The following NEK10 variants were observed in gnomAD, a reference collection of about 807,000 sequenced individuals.
The protein encoded by NEK10 is NIMA related kinase 10.
Under a neutral mutation model 159.8 loss-of-function variants are expected in NEK10, and 122 were observed. The observed-to-expected ratio is 0.76, with a 90% CI of 0.66 to 0.89. The LOEUF is 0.89. Ranked by LOEUF, NEK10 falls within the 40% of genes least tolerant of loss-of-function variation. NEK10 has a pLI of 0.00. For missense variants in NEK10, 1,342 were observed against 1,323.1 expected, an observed-to-expected ratio of 1.01 and a Z score of -0.22; for synonymous variants, 466 against 457.1, an observed-to-expected ratio of 1.02 and a Z score of -0.25.
chr3:27,301,493 G>A (rs1176931553), intron 13 of NEK10, among the ~76,000 whole-genome samples: 1 of 152,198 alleles, frequency 6.6e-6, no homozygotes, highest in African/African-American at 2.4e-5. Context: ...TCAGAACACA[G>A]AAGACAAAGA....
intron 30 of NEK10, among the ~76,000 whole-genome samples, chr3:27,153,353 T>C (rs1851366): frequency 0.37 from 54,998 of 150,148 alleles, 12,279 homozygotes; most frequent in East Asian, 0.76. Flanking sequence ...AGACAGACAG[T>C]AGCGGGGACT....
chr3:27,143,699 A>T (rs1944009824), intron 30 of NEK10, among the ~76,000 whole-genome samples: 1 of 152,222 alleles, frequency 6.6e-6, no homozygotes. Flanking sequence ...GCAAGCAAAC[A>T]AACAAAAATG....
intron 1 of NEK10, among the ~76,000 whole-genome samples, chr3:27,357,540 T>A (rs555022219): frequency 6.6e-6 from 1 of 152,312 alleles, no homozygotes; most frequent in Admixed American, 6.5e-5. Context: ...CAATCTTTTA[T>A]GGACTGATAC....
intron 23 of NEK10, among the ~76,000 whole-genome samples, chr3:27,221,775 C>A (rs912964513): frequency 4.6e-5 from 7 of 152,184 alleles, no homozygotes; most frequent in African/African-American, 1.2e-4. Context: ...CCTCCACCCC[C>A]ACTAGCCCTG....
chr3:27,151,717 C>T (rs1480615419), intron 30 of NEK10, among the ~76,000 whole-genome samples: 8 of 152,010 alleles, frequency 5.3e-5, no homozygotes, highest in Non-Finnish European at 1.0e-4. Flanking sequence ...CAGGGAGGAA[C>T]CAGAGAAAGG....
intron 13 of NEK10, among the ~76,000 whole-genome samples, chr3:27,299,386 C>T (rs1289415349): frequency 1.3e-5 from 2 of 152,174 alleles, no homozygotes; most frequent in South Asian, 2.1e-4. Flanking sequence ...GAACCTCTGC[C>T]TAGATTTCAG....
chr3:27,215,022 G>C (rs1575289159), intron 23 of NEK10: 11 of 606,862 alleles, frequency 1.8e-5, no homozygotes, highest in East Asian at 2.8e-5. Context: ...ACTCCGACCT[G>C]TTCCCCACCG....
intron 23 of NEK10, among the ~76,000 whole-genome samples, chr3:27,231,516 A>C (rs2149210790): frequency 6.6e-6 from 1 of 152,054 alleles, no homozygotes; most frequent in Admixed American, 6.6e-5. Context: ...AACTAAATGA[A>C]AGTGAAACAA....
chr3:27,267,310 G>T (rs550457099), intron 22 of NEK10, among the ~76,000 whole-genome samples: 156 of 152,256 alleles, frequency 1.0e-3, no homozygotes, highest in African/African-American at 3.7e-3. Context: ...TGTATAGTTT[G>T]CCTCAGCCCT....
chr3:27,117,260 C>T (rs1276502907), intron 33 of NEK10, among the ~76,000 whole-genome samples: 1 of 152,166 alleles, frequency 6.6e-6, no homozygotes, highest in Non-Finnish European at 1.5e-5. Flanking sequence ...CATGTCTTCA[C>T]TATTGTGAAT....
At chr3:27,362,357 A>C (rs1258517791) in intron 1 of NEK10, among the ~76,000 whole-genome samples, 1 of 152,190 alleles carries the variant, frequency 6.6e-6, no homozygotes, top group East Asian at 1.9e-4. Context: ...ATGGCTAAGA[A>C]GTTTGGAAGC....
chr3:27,284,997 ACT>A (rs1488723349), intron 20 of NEK10, 36 bp from the exon 21 acceptor site: 1 of 1,540,746 alleles, frequency 6.5e-7, no homozygotes, highest in Non-Finnish European at 8.8e-7. Context: ...AGAAATTTAA[ACT>A]CAATACAGGC....
Position 27,284,883 on chromosome 3 carries a change from TG to T in NEK10, c.1867del (p.His623IlefsTer18). 6.3e-7 allele frequency: 1 copy of T among 1,591,790 alleles called. No individual in the cohort carries two copies. The highest frequency in any genetic ancestry group is 8.6e-7 in the Non-Finnish European group (1 of 1,159,728). The stretch of plus-strand genomic sequence containing the variant: ...TAGTCTTTCTTCAGTAAAATGGTGA[TG>T]TTTTTCCTTCAAAGAACTGAAATGC... ...GEHFSSLKEK[H>X]HHFTEERLWK... On this transcript the variant is annotated frameshift_variant, in exon 21 of 36. Transcript: ENST00000691995. LOFTEE classifies it high-confidence loss of function.
At chr3:27,163,494 G>A (rs996078821) in intron 29 of NEK10, among the ~76,000 whole-genome samples, 7 of 152,044 alleles carry the variant, frequency 4.6e-5, no homozygotes, top group Non-Finnish European at 8.8e-5. Flanking sequence ...TGGGACTACA[G>A]GTGCCCGCCA....
At chr3:27,227,925 A>G (rs2149191864) in intron 23 of NEK10, among the ~76,000 whole-genome samples, 1 of 152,342 alleles carries the variant, frequency 6.6e-6, no homozygotes, top group South Asian at 2.1e-4. Flanking sequence ...GTCGAAAAGC[A>G]TCCAAGTTAA....
intron 32 of NEK10, among the ~76,000 whole-genome samples, chr3:27,127,042 T>C (rs181316034): frequency 1.3e-5 from 2 of 152,196 alleles, no homozygotes; most frequent in East Asian, 3.9e-4. Flanking sequence ...CCCATAAATA[T>C]TTTTATTATA....
chr3:27,288,399 A>G (rs1032266152), intron 19 of NEK10, among the ~76,000 whole-genome samples: 119 of 152,250 alleles, frequency 7.8e-4, no homozygotes, highest in African/African-American at 2.3e-3. Context: ...AAGTCAGTTT[A>G]TGGAAAAATT....
intron 23 of NEK10, among the ~76,000 whole-genome samples, chr3:27,226,625 A>C (rs1952675263): frequency 1.3e-5 from 2 of 152,234 alleles, no homozygotes. Context: ...TAGTGAACAG[A>C]GGCAAATTCG....
chr3:27,254,649 T>C (rs1375353957), intron 23 of NEK10, among the ~76,000 whole-genome samples: 2 of 150,058 alleles, frequency 1.3e-5, no homozygotes, highest in African/African-American at 4.9e-5. Context: ...GAGAAGGGAG[T>C]AGAAAGAAAT....
Sources: gnomAD v4.1 joint callset for allele counts (sites outside exome capture counted in the v4.1 genomes callset) on GRCh38, gnomAD v4.1.1 for gene constraint, MANE v1.5 for transcripts, NCBI Gene and HGNC (gene_info 2026-07-23, HGNC 2026-07-21) for gene names.